The following DCX variants were observed in gnomAD, a reference collection of about 807,000 sequenced individuals.
The protein encoded by DCX is doublecortin.
In DCX, 4 loss-of-function variants were observed where a neutral mutation model predicts 20.9. The observed-to-expected ratio is 0.19, with a 90% confidence interval of 0.09 to 0.44. The LOEUF (loss-of-function observed/expected upper bound fraction) is 0.44, where lower values mean the gene tolerates loss of function less well. DCX is among the 20% of genes least tolerant of loss of function. The pLI is 0.99. For synonymous variants in DCX, 103 were observed against 111.4 expected, an observed-to-expected ratio of 0.92 and a Z score of 0.47; for missense variants, 133 against 296.9, an observed-to-expected ratio of 0.45 and a Z score of 4.06.
intron 3 of DCX, among the ~76,000 whole-genome samples, chrX:111,349,586 C>T (rs1387212034): frequency 9.0e-6 from 1 of 111,415 alleles, no homozygotes; most frequent in Non-Finnish European, 1.9e-5. Flanking sequence ...CATGACTGCC[C>T]AGTTGGTAAG....
intron 3 of DCX, among the ~76,000 whole-genome samples, chrX:111,385,560 G>T (rs1325941062): frequency 9.1e-6 from 1 of 110,263 alleles, no homozygotes; most frequent in East Asian, 2.9e-4. Flanking sequence ...GGAGGCTGAG[G>T]CAGGAGAATC....
At position 111,375,086 on chromosome X, in the gene DCX, T is replaced by C. The variant is rs1925425580; in HGVS notation, c.705+25904A>G. 2.9e-5 allele frequency among the ~76,000 whole-genome samples: 3 copies of C among 103,567 alleles called. No individual in the cohort carries two copies. The Admixed American group carries it at 3.3e-4, about 11-fold the overall frequency. The allele number at this position is 103,567 out of a possible 115,157, so 89.9% of individuals were successfully genotyped here. On this transcript the variant is annotated intron_variant, in intron 3 of 6. Coordinates refer to ENST00000636035, the MANE Select transcript of DCX (RefSeq NM_001195553.2). Reference sequence around the variant, plus strand: ...ATTGAGATGGAGAACAGATTAGTGATTGCCAAGGGTTAAAGGCAGGAGTGG... The same window carrying C: ...ATTGAGATGGAGAACAGATTAGTGACTGCCAAGGGTTAAAGGCAGGAGTGG...
chrX:111,318,390 C>CAAT (rs1210313486), intron 5 of DCX, among the ~76,000 whole-genome samples: 1 of 93,028 alleles, frequency 1.1e-5, no homozygotes, highest in Non-Finnish European at 2.0e-5. Context: ...ATAATAATAA[C>CAAT]AATAATAATA....
intron 1 of DCX, chrX:111,410,701 C>T: frequency 8.8e-7 from 1 of 1,141,393 alleles, no homozygotes; most frequent in Non-Finnish European, 1.2e-6. Context: ...TGGCACTGTT[C>T]CAGACAGAGG....
At chrX:111,312,473 A>G (rs2095059874) in intron 6 of DCX, among the ~76,000 whole-genome samples, 166 bp downstream of exon 6, 1 of 112,431 alleles carries the variant, frequency 8.9e-6, no homozygotes, top group African/African-American at 3.2e-5. Flanking sequence ...AAAAGTGACT[A>G]GAAGCTTGCT....
chrX:111,355,537 CT>C (rs1923665569), intron 3 of DCX, among the ~76,000 whole-genome samples: 1 of 110,798 alleles, frequency 9.0e-6, no homozygotes, highest in East Asian at 2.8e-4. Context: ...ATATTATTTC[CT>C]GTTTTGCTTA....
chrX:111,407,289 TA>T (rs986568257), intron 2 of DCX, among the ~76,000 whole-genome samples: 4 of 111,939 alleles, frequency 3.6e-5, no homozygotes, highest in African/African-American at 1.3e-4. Context: ...CTGTTTTCAT[TA>T]TAATCTGCTG....
chrX:111,301,545 A>T lies in DCX; in HGVS notation c.*142T>A. On this transcript the variant is annotated 3_prime_UTR_variant, in exon 7 of 7. Transcript: ENST00000636035. ...CACAGGAAAATAAACCCAACATATT[A>T]CAATGTGTTTTTCAAAATAACAACA... 1 of 630,796 alleles carries T rather than the reference A, an allele frequency of 1.6e-6. No individual in the cohort carries two copies. Among genetic ancestry groups the T allele is most frequent in the Non-Finnish European group, 2.7e-6 (1 of 368,874 alleles). The allele number at this position is 630,796 out of a possible 1,213,427, so 52.0% of individuals were successfully genotyped here. A position where few individuals can be genotyped will look rare whatever the true frequency, so the allele number is the denominator to read the frequency against.
At chrX:111,326,234 T>G (rs892147738) in intron 5 of DCX, among the ~76,000 whole-genome samples, 1 of 111,272 alleles carries the variant, frequency 9.0e-6, no homozygotes, top group African/African-American at 3.3e-5. Flanking sequence ...AATTATCACA[T>G]TACAATTCTC....
At chrX:111,316,092 A>ATAAATAAAT (rs1556369834) in intron 5 of DCX, among the ~76,000 whole-genome samples, 23 of 96,346 alleles carry the variant, frequency 2.4e-4, no homozygotes, top group African/African-American at 9.8e-4. Flanking sequence ...AAAATAAAAA[A>ATAAATAAAT]AAAAAAAAAA....
At chrX:111,319,131 T>C (rs2095080839) in intron 5 of DCX, among the ~76,000 whole-genome samples, 1 of 112,040 alleles carries the variant, frequency 8.9e-6, no homozygotes, top group African/African-American at 3.2e-5. Context: ...GTGTAGCCTG[T>C]TAAGAAGTTT....
intron 3 of DCX, among the ~76,000 whole-genome samples, chrX:111,363,922 G>C (rs1182263304): frequency 9.0e-6 from 1 of 111,696 alleles, no homozygotes; most frequent in African/African-American, 3.3e-5. Flanking sequence ...AGGTTCACAC[G>C]CTGCCTTTCA....
intron 3 of DCX, among the ~76,000 whole-genome samples, chrX:111,345,000 G>A (rs1174320552): frequency 8.9e-6 from 1 of 111,964 alleles, no homozygotes; most frequent in African/African-American, 3.2e-5. Flanking sequence ...TATACTAGAA[G>A]GCTACAGTAA....
chrX:111,380,045 G>A (rs938009014), intron 3 of DCX, among the ~76,000 whole-genome samples: 1 of 111,124 alleles, frequency 9.0e-6, no homozygotes, highest in African/African-American at 3.3e-5. Flanking sequence ...TTTTATTATT[G>A]ATGTGTAAGA....
chrX:111,386,221 T>G (rs1467199978), intron 3 of DCX, among the ~76,000 whole-genome samples: 3 of 111,219 alleles, frequency 2.7e-5, no homozygotes, highest in Non-Finnish European at 5.7e-5. Context: ...GATTGCTGTC[T>G]GACCTCAGGT....
At chrX:111,390,746 C>T (rs1468184293) in intron 3 of DCX, among the ~76,000 whole-genome samples, 1 of 111,099 alleles carries the variant, frequency 9.0e-6, no homozygotes, top group Non-Finnish European at 1.9e-5. Context: ...CACCTGTAAT[C>T]CCAGCACTTT....
chrX:111,410,963 G>A (rs1928662941), intron 1 of DCX: 1 of 1,208,148 alleles, frequency 8.3e-7, no homozygotes, highest in South Asian at 1.8e-5. Context: ...TATGAAGGGG[G>A]AGTGTTTTCA....
Position 111,405,833 on chromosome X carries a change from A to G in DCX, c.364+4202T>C, listed in dbSNP as rs181510508. On this transcript the variant is annotated intron_variant, in intron 2 of 6. Transcript: ENST00000636035. ...TTCACTAAGACCCTCGGTGTACCCA[A>G]GGACTGTGGGAAAACTGACATCAAT... 9.0e-3 allele frequency among the ~76,000 whole-genome samples: 1,003 copies of G among 111,700 alleles called. 7 individuals carry two copies. The highest frequency in any genetic ancestry group is 0.031 in the African/African-American group (960 of 30,799).
intron 6 of DCX, among the ~76,000 whole-genome samples, chrX:111,304,016 T>C (rs1017928127): frequency 3.6e-5 from 4 of 111,932 alleles, no homozygotes; most frequent in African/African-American, 1.3e-4. Flanking sequence ...ACAGGCAGGA[T>C]CTGGCATCCC....
Sources: gnomAD v4.1 joint callset for allele counts (sites outside exome capture counted in the v4.1 genomes callset) on GRCh38, gnomAD v4.1.1 for gene constraint, MANE v1.5 for transcripts, NCBI Gene and HGNC (gene_info 2026-07-23, HGNC 2026-07-21) for gene names.